USP46: variants seen among roughly 807,000 people sequenced by gnomAD.
The protein encoded by USP46 is ubiquitin specific peptidase 46, also known as ubiquitin carboxyl-terminal hydrolase 46.
In USP46, 12 loss-of-function variants were observed where a neutral mutation model predicts 44.4. The observed-to-expected ratio is 0.27, with a 90% CI of 0.17 to 0.44. The LOEUF is 0.44. Ranked by LOEUF, USP46 falls within the 20% of genes least tolerant of loss-of-function variation. The probability of loss-of-function intolerance (pLI) is 1.00; values close to 1 mark genes in which losing one functional copy is unlikely to be tolerated. For synonymous variants in USP46, 155 were observed against 161.5 expected (o/e 0.96, Z 0.31); for missense variants, 248 against 444.8 (o/e 0.56, Z 3.98).
intron 4 of USP46, among the ~76,000 whole-genome samples, chr4:52,614,272 C>T (rs1717042050): frequency 6.6e-6 from 1 of 152,128 alleles, no homozygotes; most frequent in South Asian, 2.1e-4. Flanking sequence ...AAAATAAACG[C>T]TGAGTATTTC....
intron 2 of USP46, among the ~76,000 whole-genome samples, chr4:52,630,452 A>G (rs1032346440): frequency 3.3e-5 from 5 of 152,216 alleles, no homozygotes; most frequent in African/African-American, 1.2e-4. Flanking sequence ...ACACAGGCAG[A>G]ACATATAAAA....
chr4:52,601,967 C>G lies in USP46; in HGVS notation c.810G>C (p.Leu270=). Residue 270 remains leucine (L), a synonymous_variant, in exon 7 of 9, where the codon CTG becomes CTC. Coordinates refer to ENST00000441222, the MANE Select transcript of USP46 (RefSeq NM_022832.4). ...YMEQLHRYTK[L]SYRVVFPLEL... ...CCAGAGGGAAGACCACACGGTAAGACAGCTTGGTGTATCTGTGCAGCTGCT... is the reference window on the plus strand; with the variant it reads ...CCAGAGGGAAGACCACACGGTAAGAGAGCTTGGTGTATCTGTGCAGCTGCT... The G allele has an allele frequency of 6.2e-7, 1 of 1,614,010 alleles. No homozygotes were observed. The highest frequency in any genetic ancestry group is 8.5e-7 in the Non-Finnish European group (1 of 1,179,892).
At chr4:52,649,919 G>A (rs1028885275) in intron 1 of USP46, among the ~76,000 whole-genome samples, 4 of 152,058 alleles carry the variant, frequency 2.6e-5, no homozygotes, top group Non-Finnish European at 5.9e-5. Context: ...TACACACGCA[G>A]GTGCCTAAAA....
chr4:52,636,536 T>A (rs1016121607), intron 1 of USP46, among the ~76,000 whole-genome samples: 1 of 151,604 alleles, frequency 6.6e-6, no homozygotes, highest in African/African-American at 2.4e-5. Context: ...TGAAACCCCA[T>A]CTCTAGTAAA....
At chr4:52,654,789 C>G (rs1718892409) in intron 1 of USP46, among the ~76,000 whole-genome samples, 1 of 152,168 alleles carries the variant, frequency 6.6e-6, no homozygotes, top group Non-Finnish European at 1.5e-5. Flanking sequence ...GCTAACATGT[C>G]ATAAGTTCAA....
rs1287033987 is a variant in USP46, at chr4:52,592,095, T to A, written c.*5545A>T. 6.6e-6 allele frequency: 1 copy of A among 152,176 alleles called. No individual in the cohort carries two copies. The highest frequency in any genetic ancestry group is 1.5e-5 in the Non-Finnish European group (1 of 68,024). The allele number at this position is 152,176 out of a possible 1,614,324, so 9.4% of individuals were successfully genotyped here. On this transcript the variant is annotated 3_prime_UTR_variant, in exon 9 of 9. Transcript: ENST00000441222. ...TTGAGGCTGGGGCTGAATACCAAAC[T>A]GTGCTGAATTGCAAGGAGTTTCCCC...
chr4:52,602,190 G>T, intron 6 of USP46, 136 bp from the exon 7 acceptor site: 1 of 979,410 alleles, frequency 1.0e-6, no homozygotes. Flanking sequence ...CAGTTTGCAA[G>T]GATAAAAGTA....
At chr4:52,634,074 C>T (rs1383074524) in intron 1 of USP46, among the ~76,000 whole-genome samples, 1 of 152,122 alleles carries the variant, frequency 6.6e-6, no homozygotes, top group Non-Finnish European at 1.5e-5. Context: ...GCTTCTAGAC[C>T]ATGACACCCT....
intron 1 of USP46, among the ~76,000 whole-genome samples, chr4:52,643,156 G>C (rs1332975901): frequency 2.0e-5 from 3 of 152,106 alleles, no homozygotes; most frequent in Admixed American, 2.0e-4. Context: ...GACCAGCCTG[G>C]AGCACCCTCC....
chr4:52,638,662 A>G (rs1336654699), intron 1 of USP46, among the ~76,000 whole-genome samples: 2 of 148,620 alleles, frequency 1.3e-5, no homozygotes, highest in Admixed American at 1.3e-4. Context: ...TTTTTTTATG[A>G]AAAAAATATA....
chr4:52,613,974 A>G (rs889938398), intron 4 of USP46, among the ~76,000 whole-genome samples: 1 of 152,208 alleles, frequency 6.6e-6, no homozygotes, highest in African/African-American at 2.4e-5. Flanking sequence ...TGCATCAAAA[A>G]ACGTGAAACC....
intron 1 of USP46, among the ~76,000 whole-genome samples, chr4:52,632,990 A>AAAAGAAAAGAAAAGAAAGAAAG (rs1717961084): frequency 7.5e-5 from 5 of 66,340 alleles, no homozygotes; most frequent in Admixed American, 1.6e-4. Flanking sequence ...GAAAGAAAAG[A>AAAAGAAAAGAAAAGAAAGAAAG]AAAGAAAGAA....
intron 2 of USP46, 53 bp downstream of exon 2, chr4:52,631,011 T>G: frequency 6.9e-7 from 1 of 1,457,216 alleles, no homozygotes; most frequent in South Asian, 1.3e-5. Flanking sequence ...AAAGTGGAGT[T>G]GCTTCATATA....
intron 7 of USP46, among the ~76,000 whole-genome samples, chr4:52,601,169 C>T (rs113704254): frequency 5.3e-5 from 8 of 152,328 alleles, no homozygotes; most frequent in African/African-American, 1.9e-4. Context: ...AGGGGGAAAG[C>T]TGTGCCTACT....
Position 52,609,544 on chromosome 4 carries a change from C to T in USP46, c.638+997G>A, listed in dbSNP as rs1038538533. On this transcript the variant is annotated intron_variant, in intron 5 of 8. Coordinates refer to ENST00000441222, the MANE Select transcript of USP46 (RefSeq NM_022832.4). ...GCATCTTTCTCCTGCACGTCCTTCTCCCATCACGGAACTCTGAGTGGTGAG... is the reference window on the plus strand; with the variant it reads ...GCATCTTTCTCCTGCACGTCCTTCTTCCATCACGGAACTCTGAGTGGTGAG... 2.2e-4 allele frequency among the ~76,000 whole-genome samples: 33 copies of T among 152,176 alleles called. 1 individual carries two copies. The highest frequency in any genetic ancestry group is 1.8e-3 in the Admixed American group (28 of 15,278).
At chr4:52,644,304 C>A (rs1443468566) in intron 1 of USP46, among the ~76,000 whole-genome samples, 1 of 152,174 alleles carries the variant, frequency 6.6e-6, no homozygotes, top group Non-Finnish European at 1.5e-5. Context: ...ACAGCCCACT[C>A]CTCTCCAGGC....
At chr4:52,655,645 T>C (rs1365413190) in intron 1 of USP46, among the ~76,000 whole-genome samples, 2 of 152,202 alleles carry the variant, frequency 1.3e-5, no homozygotes, top group Non-Finnish European at 2.9e-5. Context: ...ATCAGAGGAT[T>C]ATCAACAGAA....
chr4:52,630,132 A>C (rs1402786532), intron 2 of USP46, among the ~76,000 whole-genome samples: 1 of 152,218 alleles, frequency 6.6e-6, no homozygotes, highest in Non-Finnish European at 1.5e-5. Flanking sequence ...GTGAAGAAGA[A>C]AGCTCACGAG....
Position 52,610,618 on chromosome 4 carries a change from C to T in USP46, c.562-1G>A. On this transcript the variant is annotated splice_acceptor_variant, in intron 4 of 8. Transcript: ENST00000441222. LOFTEE classifies it high-confidence loss of function. ...GAAAATCTTCATCTTTGCTACTAAC[C>T]TGAAACAAAAAACAGAAACAATATA... 6.2e-7 allele frequency: 1 copy of T among 1,613,536 alleles called. No homozygotes were observed. The highest frequency in any genetic ancestry group is 8.5e-7 in the Non-Finnish European group (1 of 1,179,706).
Sources: gnomAD v4.1 joint callset for allele counts (sites outside exome capture counted in the v4.1 genomes callset) on GRCh38, gnomAD v4.1.1 for gene constraint, MANE v1.5 for transcripts, NCBI Gene and HGNC (gene_info 2026-07-23, HGNC 2026-07-21) for gene names.